The following ELOVL7 variants were observed in gnomAD, a reference collection of about 807,000 sequenced individuals.
The protein encoded by ELOVL7 is very long chain fatty acid elongase 7.
A neutral mutation model predicts 35.7 loss-of-function variants in ELOVL7; 27 were observed. The observed-to-expected ratio is 0.76, with a 90% confidence interval of 0.56 to 1.04. ELOVL7 has a LOEUF of 1.04. Ranked by LOEUF, ELOVL7 falls within the 50% of genes least tolerant of loss-of-function variation. ELOVL7 has a pLI of 0.00. For missense variants in ELOVL7, 327 were observed against 340.8 expected (o/e 0.96, Z 0.32); for synonymous variants, 113 against 114.6 (o/e 0.99, Z 0.09).
intron 2 of ELOVL7, among the ~76,000 whole-genome samples, chr5:60,796,531 G>A (rs759860602): frequency 2.0e-5 from 3 of 152,140 alleles, no homozygotes; most frequent in African/African-American, 7.2e-5. Flanking sequence ...ATTGCCAAAC[G>A]TCCCCTGTGG....
intron 3 of ELOVL7, among the ~76,000 whole-genome samples, chr5:60,779,175 G>C (rs1020639818): frequency 1.3e-5 from 2 of 152,216 alleles, no homozygotes; most frequent in Non-Finnish European, 2.9e-5. Context: ...GGAACTGACT[G>C]TCTGTGGCTT....
At chr5:60,770,936 G>A (rs2112175821) in intron 4 of ELOVL7, among the ~76,000 whole-genome samples, 1 of 152,288 alleles carries the variant, frequency 6.6e-6, no homozygotes, top group South Asian at 2.1e-4. Flanking sequence ...CTGGGCCCAA[G>A]CAATCCTCTT....
chr5:60,795,324 G>C (rs1264623619), intron 2 of ELOVL7, among the ~76,000 whole-genome samples: 2 of 152,072 alleles, frequency 1.3e-5, no homozygotes, highest in Non-Finnish European at 2.9e-5. Context: ...TTAAACACGG[G>C]GCTTGTAACT....
At position 60,757,399 on chromosome 5, in the gene ELOVL7, AC is replaced by A. The variant is rs374051768; in HGVS notation, c.636+109del. On this transcript the variant is annotated intron_variant, in intron 8 of 8. Transcript: ENST00000508821. ...ATATCATGTAGGGGCCAGACGCTCT[AC>A]CCCTATTGTTTTGTCTTTCTTCTTT... 4.5e-5 allele frequency: 50 copies of A among 1,108,418 alleles called. 2 individuals are homozygous for A. The African/African-American group carries it at 4.6e-4, about 10-fold the overall frequency. 68.7% of individuals were successfully genotyped at this position (1,108,418 alleles called of 1,614,324 possible).
intron 6 of ELOVL7, 52 bp from the exon 7 acceptor site, chr5:60,764,384 TTGAG>T (rs1411363566): frequency 5.2e-6 from 7 of 1,351,320 alleles, no homozygotes; most frequent in Non-Finnish European, 6.3e-6. Context: ...TGATAGTGTA[TTGAG>T]TATTATAAAA....
intron 1 of ELOVL7, among the ~76,000 whole-genome samples, chr5:60,823,408 A>G (rs546676238): frequency 6.6e-6 from 1 of 152,320 alleles, no homozygotes; most frequent in Non-Finnish European, 1.5e-5. Flanking sequence ...ACCTGCCTGG[A>G]TGCAGGGATA....
chr5:60,842,497 A>T (rs1197426086), intron 1 of ELOVL7, among the ~76,000 whole-genome samples: 2 of 47,070 alleles, frequency 4.2e-5, no homozygotes, highest in Non-Finnish European at 1.1e-4. Flanking sequence ...TATTTTTCTT[A>T]AAAAAAAAAA....
Position 60,819,840 on chromosome 5 carries a change from G to A in ELOVL7, c.-85-20610C>T, listed in dbSNP as rs114803171. Among the ~76,000 whole-genome samples the A allele has an allele frequency of 6.4e-3, 975 of 152,230 alleles. 15 individuals are homozygous for A. The highest frequency in any genetic ancestry group is 0.022 in the African/African-American group (931 of 41,554). The stretch of plus-strand genomic sequence containing the variant: ...ACGATCATAATGCCTACCTGACTTG[G>A]TGGATAATTACTATTGTAGTAGACA... On this transcript the variant is annotated intron_variant, in intron 1 of 8. Transcript: ENST00000508821.
chr5:60,764,182 A>G (rs1584159463), intron 7 of ELOVL7, 45 bp downstream of exon 7: 1 of 1,285,198 alleles, frequency 7.8e-7, no homozygotes, highest in Non-Finnish European at 1.1e-6. Context: ...TTTAGCATAT[A>G]GAAATGTTGT....
At chr5:60,782,943 C>T (rs1023689739) in intron 3 of ELOVL7, among the ~76,000 whole-genome samples, 28 of 152,178 alleles carry the variant, frequency 1.8e-4, no homozygotes, top group African/African-American at 3.4e-4. Context: ...CAAATGTTTT[C>T]ACCATAAAAA....
chr5:60,786,743 A>G (rs372725132), intron 3 of ELOVL7, among the ~76,000 whole-genome samples: 43 of 152,076 alleles, frequency 2.8e-4, no homozygotes, highest in Middle Eastern at 3.4e-3. Flanking sequence ...TCAGGAGATC[A>G]AGACCATCCT....
intron 2 of ELOVL7, among the ~76,000 whole-genome samples, chr5:60,791,756 C>T (rs1013496876): frequency 2.6e-5 from 4 of 152,162 alleles, no homozygotes. Flanking sequence ...TCACCTTAAC[C>T]ACTGATATAC....
intron 1 of ELOVL7, among the ~76,000 whole-genome samples, chr5:60,837,957 A>C (rs1024992160): frequency 4.6e-5 from 7 of 152,230 alleles, no homozygotes; most frequent in Non-Finnish European, 8.8e-5. Flanking sequence ...TATCTAATGT[A>C]AACAAGGAAG....
At chr5:60,819,611 G>A (rs1456791518) in intron 1 of ELOVL7, among the ~76,000 whole-genome samples, 4 of 152,074 alleles carry the variant, frequency 2.6e-5, no homozygotes, top group East Asian at 1.9e-4. Context: ...GTGAAACCCC[G>A]TCCCTACTAA....
intron 2 of ELOVL7, among the ~76,000 whole-genome samples, chr5:60,796,438 G>T (rs1013574987): frequency 6.6e-6 from 1 of 152,204 alleles, no homozygotes; most frequent in Non-Finnish European, 1.5e-5. Context: ...ATTGTAGGAT[G>T]TTTAGAACCA....
chr5:60,769,184 T>C (rs1232507611), intron 4 of ELOVL7, among the ~76,000 whole-genome samples: 2 of 152,304 alleles, frequency 1.3e-5, no homozygotes, highest in South Asian at 2.1e-4. Flanking sequence ...AACAAATCAA[T>C]AGATTTTGCC....
chr5:60,759,019 T>C (rs1288520627), intron 7 of ELOVL7, among the ~76,000 whole-genome samples: 1 of 152,106 alleles, frequency 6.6e-6, no homozygotes, highest in Non-Finnish European at 1.5e-5. Flanking sequence ...CTGGAGAAAA[T>C]CTAACAAAAC....
chr5:60,788,977 C>T (rs763901227), intron 2 of ELOVL7, among the ~76,000 whole-genome samples: 2 of 152,016 alleles, frequency 1.3e-5, no homozygotes, highest in African/African-American at 4.8e-5. Context: ...TGGTGTGGCA[C>T]ACCTGGACAG....
chr5:60,802,123 C>A lies in ELOVL7; in HGVS notation c.-85-2893G>T. Among the ~76,000 whole-genome samples the A allele has an allele frequency of 1.3e-4, 3 of 22,602 alleles. 1 individual carries two copies. The highest frequency in any genetic ancestry group is 1.0e-3 in the South Asian group (1 of 964). 14.8% of individuals were successfully genotyped at this position (22,602 alleles called of 152,430 possible). On this transcript the variant is annotated intron_variant, in intron 1 of 8. Coordinates refer to ENST00000508821, the MANE Select transcript of ELOVL7 (RefSeq NM_024930.3). ...ATATATATATATATATATATACACA[C>A]ACACACACACACATATATCCTATTG...
Sources: gnomAD v4.1 joint callset for allele counts (sites outside exome capture counted in the v4.1 genomes callset) on GRCh38, gnomAD v4.1.1 for gene constraint, MANE v1.5 for transcripts, NCBI Gene and HGNC (gene_info 2026-07-23, HGNC 2026-07-21) for gene names.